Variants in ODAD4 observed in about 807,000 individuals in gnomAD.
The protein encoded by ODAD4 is outer dynein arm docking complex subunit 4, also known as outer dynein arm-docking complex subunit 4.
A neutral mutation model predicts 51.8 loss-of-function variants in ODAD4; 49 were observed. The observed-to-expected ratio is 0.95, with a 90% CI of 0.75 to 1.20. The LOEUF (loss-of-function observed/expected upper bound fraction) is 1.20, where lower values mean the gene tolerates loss of function less well. ODAD4 is among the 50% of genes most tolerant of loss of function. ODAD4 has a pLI of 0.00. For missense variants in ODAD4, 590 were observed against 586.5 expected, an observed-to-expected ratio of 1.01 and a Z score of -0.06; for synonymous variants, 235 against 221.3, an observed-to-expected ratio of 1.06 and a Z score of -0.55.
At chr17:41,949,119 G>A in intron 8 of ODAD4, 34 bp from the exon 9 acceptor site, 1 of 398,402 alleles carries the variant, frequency 2.5e-6, no homozygotes, top group South Asian at 1.3e-4. Flanking sequence ...TGGTTTTGGG[G>A]GATGAAGCTG....
intron 9 of ODAD4, chr17:41,954,973 C>A (rs2050709315): frequency 5.0e-6 from 3 of 602,824 alleles, no homozygotes; most frequent in Middle Eastern, 2.6e-4. Flanking sequence ...CCCCTTCTCT[C>A]ACCAACGCCT....
chr17:41,957,842 G>A (rs2050753387), intron 10 of ODAD4, among the ~76,000 whole-genome samples: 1 of 152,170 alleles, frequency 6.6e-6, no homozygotes, highest in Non-Finnish European at 1.5e-5. Flanking sequence ...CTACAGTGCA[G>A]TGGTGTGACT....
chr17:41,949,171 T>C lies in ODAD4; in HGVS notation c.1164T>C (p.Pro388=). Residue 388 remains proline, a synonymous_variant, in exon 9 of 12, where the codon CCT becomes CCC. Transcript: ENST00000377540. ...TCCCCAGGTGGGAAGAAAAGATCCC[T>C]CTGGCAAAAACCACCCTGGAGAAGA... ...QAIDTWEEKI[P]LAKTTLEKTW... 2 of 398,564 alleles carry C rather than the reference T, an allele frequency of 5.0e-6. No homozygotes were observed. Among genetic ancestry groups the C allele is most frequent in the East Asian group, 7.1e-5 (2 of 28,078 alleles). 24.7% of individuals were successfully genotyped at this position (398,564 alleles called of 1,614,324 possible).
rs1555638271 is a variant in ODAD4 at position 41,938,799 on chromosome 17, A to G, written c.850+18A>G. The G allele has an allele frequency of 4.3e-6, 7 of 1,610,098 alleles. No homozygotes were observed. The highest frequency in any genetic ancestry group is 1.7e-4 in the Middle Eastern group (1 of 6,030). ...TGATATGTGTAGGTGTTGTTCTCAG[A>G]GGGTGGGGCAGGTGCCTCCAGTGCC... On this transcript the variant is annotated intron_variant, in intron 6 of 11. Coordinates refer to ENST00000377540, the MANE Select transcript of ODAD4 (RefSeq NM_031421.5).
chr17:41,943,776 C>CA (rs2050539602), intron 7 of ODAD4, among the ~76,000 whole-genome samples: 1 of 152,074 alleles, frequency 6.6e-6, no homozygotes, highest in Non-Finnish European at 1.5e-5. Flanking sequence ...TGAGAACAGC[C>CA]TGGGCAAATT....
Position 41,930,741 on chromosome 17 carries a change from C to T in ODAD4, c.18C>T (p.Gly6=), listed in dbSNP as rs782342967. 5.0e-6 allele frequency: 8 copies of T among 1,610,422 alleles called. No homozygotes were observed. In the South Asian group the frequency reaches 6.6e-5, roughly 13 times the overall value. MSDPE[G]ETLRSTFPSY... ...CGGTCACCATGTCGGACCCCGAAGG[C>T]GAGACCTTGCGAAGCACCTTTCCCT... The change falls in exon 1 of 12, where the codon GGC becomes GGT. Residue 6 remains glycine (G), a synonymous_variant. Transcript: ENST00000377540.
rs36134015 is a variant in ODAD4, at chr17:41,949,283, T to A, written c.1276T>A (p.Cys426Ser). The A allele has an allele frequency of 7.8e-3, 3,109 of 398,566 alleles. 57 individuals carry two copies. Among genetic ancestry groups the A allele is most frequent in the East Asian group, 0.047 (1,329 of 28,064 alleles). The allele number at this position is 398,566 out of a possible 1,614,324, so 24.7% of individuals were successfully genotyped here. A position where few individuals can be genotyped will look rare whatever the true frequency, so the allele number is the denominator to read the frequency against. ...GAATTATGGCGAGAAGTCCCAGCAG[T>A]GTGCCGAGGAGGAAGGGGACATTGA... is the stretch of plus-strand genomic sequence containing the variant. ...AQNYGEKSQQ[C>S]AEEEGDIEWQ... The change falls in exon 9 of 12, where the codon TGT becomes AGT. Residue 426 changes from cysteine to serine, a missense_variant. This residue lies in a region of ODAD4 where 226 missense variants were observed against 162.7 expected (regional missense o/e 1.39). Coordinates refer to ENST00000377540, the MANE Select transcript of ODAD4 (RefSeq NM_031421.5).
chr17:41,937,011 G>C (rs1211892473), intron 5 of ODAD4, 84 bp downstream of exon 5: 4 of 1,481,260 alleles, frequency 2.7e-6, no homozygotes, highest in Non-Finnish European at 3.7e-6. Flanking sequence ...GGCAGAACCT[G>C]TCATATAATA....
intron 10 of ODAD4, among the ~76,000 whole-genome samples, chr17:41,960,512 A>G (rs142282806): frequency 2.6e-5 from 4 of 152,298 alleles, no homozygotes; most frequent in African/African-American, 9.6e-5. Context: ...CCAGTGCCAT[A>G]GGGGACTAGG....
chr17:41,960,460 A>G (rs1294143647), intron 10 of ODAD4, among the ~76,000 whole-genome samples: 1 of 149,086 alleles, frequency 6.7e-6, no homozygotes, highest in Non-Finnish European at 1.5e-5. Flanking sequence ...AAAAAAAAAC[A>G]AACAAACAAA....
At chr17:41,943,276 C>A (rs868907966) in intron 7 of ODAD4, among the ~76,000 whole-genome samples, 4 of 152,128 alleles carry the variant, frequency 2.6e-5, no homozygotes, top group African/African-American at 9.7e-5. Context: ...AAGAATATGT[C>A]TTCCTCTCAA....
rs376776759 is a variant in ODAD4 at position 41,936,918 on chromosome 17, T to C, written c.616T>C (p.Leu206=). ...CAAAGAGTATTTGGAGAAGCTCCTA[T>C]TGGATGAAGGTTTCGGACACTTTGT... The part of the protein sequence containing the change: ...VDKEYLEKLL[L]DEDLIKGTMK... Residue 206 remains leucine (L), a synonymous_variant, in exon 5 of 12, where the codon TTG becomes CTG. Coordinates refer to ENST00000377540, the MANE Select transcript of ODAD4 (RefSeq NM_031421.5). The C allele has an allele frequency of 1.2e-6, 2 of 1,613,644 alleles. No homozygotes were observed. Among genetic ancestry groups the C allele is most frequent in the African/African-American group, 2.7e-5 (2 of 74,910 alleles).
chr17:41,965,747 A>T lies in ODAD4; in HGVS notation c.*264A>T. On this transcript the variant is annotated 3_prime_UTR_variant, in exon 12 of 12. Coordinates refer to ENST00000377540, the MANE Select transcript of ODAD4 (RefSeq NM_031421.5). Reference sequence around the variant, plus strand: ...GGTGCCAAGAAGAAAGGGTTTCAGGAGGGTGAAGATACGGGCGCTACAGGG... The same window carrying T: ...GGTGCCAAGAAGAAAGGGTTTCAGGTGGGTGAAGATACGGGCGCTACAGGG... 2.5e-6 allele frequency: 1 copy of T among 394,374 alleles called. No homozygotes were observed. The highest frequency in any genetic ancestry group is 4.6e-6 in the Non-Finnish European group (1 of 217,786). The allele number at this position is 394,374 out of a possible 1,614,324, so 24.4% of individuals were successfully genotyped here. A position where few individuals can be genotyped will look rare whatever the true frequency, so the allele number is the denominator to read the frequency against.
At chr17:41,947,507 T>C (rs2050604547) in intron 8 of ODAD4, among the ~76,000 whole-genome samples, 1 of 136,842 alleles carries the variant, frequency 7.3e-6, no homozygotes, top group Non-Finnish European at 1.6e-5. Flanking sequence ...AAATAAAAAA[T>C]AAGCACAGGC....
chr17:41,939,267 C>T, intron 7 of ODAD4, 95 bp downstream of exon 7: 1 of 1,230,084 alleles, frequency 8.1e-7, no homozygotes, highest in Non-Finnish European at 1.1e-6. Flanking sequence ...TGGCTTGACT[C>T]CCATTTTCTG....
chr17:41,963,696 T>C (rs2050836347), intron 11 of ODAD4, among the ~76,000 whole-genome samples: 1 of 151,676 alleles, frequency 6.6e-6, no homozygotes, highest in Non-Finnish European at 1.5e-5. Flanking sequence ...TGGAATGCAG[T>C]GGTGCAATCT....
chr17:41,936,911 G>A lies in ODAD4; in HGVS notation c.609G>A (p.Lys203=), dbSNP rs782751424. ...ELYVDKEYLE[K]LLLDEDLIKG... ...ACGTGGACAAAGAGTATTTGGAGAA[G>A]CTCCTATTGGATGAAGGTTTCGGAC... is the stretch of plus-strand genomic sequence containing the variant. The change falls in exon 5 of 12, where the codon AAG becomes AAA. Residue 203 remains lysine, a synonymous_variant. Coordinates refer to ENST00000377540, the MANE Select transcript of ODAD4 (RefSeq NM_031421.5). 1 of 1,613,920 alleles carries A rather than the reference G, an allele frequency of 6.2e-7. No homozygotes were observed. The highest frequency in any genetic ancestry group is 8.5e-7 in the Non-Finnish European group (1 of 1,179,844).
At chr17:41,960,103 C>T (rs1408629775) in intron 10 of ODAD4, among the ~76,000 whole-genome samples, 1 of 152,222 alleles carries the variant, frequency 6.6e-6, no homozygotes, top group African/African-American at 2.4e-5. Context: ...AGGAAATATT[C>T]GCCGAGTGTA....
Position 41,965,698 on chromosome 17 carries a change from G to T in ODAD4, c.*215G>T. 1 of 510,182 alleles carries T rather than the reference G, an allele frequency of 2.0e-6. No individual in the cohort carries two copies. The allele number at this position is 510,182 out of a possible 1,614,324, so 31.6% of individuals were successfully genotyped here. On this transcript the variant is annotated 3_prime_UTR_variant, in exon 12 of 12. Transcript: ENST00000377540. ...TCTTCACCCCTGCCCATTCTTGGAAGAGCATCGTGGAAGAAATGAGAAAGG... is the reference window on the plus strand; with the variant it reads ...TCTTCACCCCTGCCCATTCTTGGAATAGCATCGTGGAAGAAATGAGAAAGG...
Sources: allele counts gnomAD v4.1 joint callset (sites outside exome capture counted in the v4.1 genomes callset), GRCh38; gene constraint gnomAD v4.1.1; regional missense constraint gnomAD v4.1.1; transcripts MANE v1.5; gene names NCBI Gene and HGNC (gene_info 2026-07-23, HGNC 2026-07-21).